Variants in DZIP1 observed in about 807,000 individuals in gnomAD.
The protein encoded by DZIP1 is cilium assembly protein DZIP1.
A neutral mutation model predicts 107.6 loss-of-function variants in DZIP1; 97 were observed. The ratio of observed to expected loss-of-function variants is 0.90; its 90% confidence interval spans 0.77 to 1.07. The LOEUF is 1.07. Ranked by LOEUF, DZIP1 falls within the 50% of genes least tolerant of loss-of-function variation. The pLI is 0.00. For missense variants in DZIP1, 1,035 were observed against 1,063.6 expected (o/e 0.97, Z 0.37); for synonymous variants, 390 against 386.4 (o/e 1.01, Z -0.11).
intron 6 of DZIP1, among the ~76,000 whole-genome samples, chr13:95,630,381 A>G (rs1291944839): frequency 2.6e-5 from 4 of 152,084 alleles, no homozygotes; most frequent in Non-Finnish European, 5.9e-5. Flanking sequence ...AGCCCTCTTC[A>G]GGGAGCAATA....
At chr13:95,589,669 G>T in intron 18 of DZIP1, 134 bp downstream of exon 18, 1 of 1,205,384 alleles carries the variant, frequency 8.3e-7, no homozygotes, top group Non-Finnish European at 1.2e-6. Context: ...CTGGCATCCT[G>T]ATCTTGGACT....
rs747243667 is a variant in DZIP1, at chr13:95,622,346, A to C, written c.1107T>G (p.Ser369Arg). ...GCTGTCACCCACTTGCACGTACCTG[A>C]CTATCAAGAAGCTGCATGACATTAT... is the stretch of plus-strand genomic sequence containing the variant. The part of the protein sequence containing the change: ...DFHNVMQLLD[S>R]QESKWTARVQ... The change falls in exon 9 of 23, where the codon AGT becomes AGG. Residue 369 changes from serine (S) to arginine (R), a missense_variant. By Grantham distance (110) the Ser-to-Arg change is moderately radical (BLOSUM62 -1). Coordinates refer to ENST00000376829, the MANE Select transcript of DZIP1 (RefSeq NM_198968.4). 6.2e-7 allele frequency: 1 copy of C among 1,614,090 alleles called. No homozygotes were observed. The highest frequency in any genetic ancestry group is 1.3e-5 in the African/African-American group (1 of 74,942).
rs1461301046 is a variant in DZIP1, at chr13:95,580,772, C to T, written c.*1462G>A. The T allele has an allele frequency of 6.6e-6, 1 of 152,240 alleles. No homozygotes were observed. The highest frequency in any genetic ancestry group is 1.9e-4 in the East Asian group (1 of 5,198). The allele number at this position is 152,240 out of a possible 1,614,324, so 9.4% of individuals were successfully genotyped here. On this transcript the variant is annotated 3_prime_UTR_variant, in exon 23 of 23. Transcript: ENST00000376829. ...GTGTAGTTTTGTAGATTGCCGTTCT[C>T]TGTCCTACCACATGAAACTTGGATT...
At chr13:95,635,735 G>A (rs1348216908) in intron 5 of DZIP1, among the ~76,000 whole-genome samples, 3 of 152,170 alleles carry the variant, frequency 2.0e-5, no homozygotes, top group Non-Finnish European at 4.4e-5. Flanking sequence ...GCCAGAAGGT[G>A]TTCTAACGAT....
chr13:95,607,837 C>G (rs1233017059), intron 13 of DZIP1, among the ~76,000 whole-genome samples: 1 of 152,202 alleles, frequency 6.6e-6, no homozygotes, highest in Non-Finnish European at 1.5e-5. Context: ...CAGTAAATGA[C>G]TGACTAGTGT....
At position 95,587,551 on chromosome 13, in the gene DZIP1, G is replaced by A. The variant is rs11070136; in HGVS notation, c.2206C>T (p.Pro736Ser). Residue 736 changes from proline (P) to serine (S), a missense_variant, in exon 20 of 23, where the codon CCC (proline) becomes TCC (serine). Pro to Ser is a moderately conservative substitution (Grantham distance 74). Transcript: ENST00000376829. ...GSEIEDTDDSPKPAGVAVKTP... is the reference protein window; with the variant it reads ...GSEIEDTDDSSKPAGVAVKTP... ...GGTAACAGCTCACCTGCGGGCTTGG[G>A]AGAATCATCAGTGTCCTCGATTTCG... 522,013 of 1,613,556 alleles carry A rather than the reference G, an allele frequency of 0.32. 86,487 individuals carry two copies. The highest frequency in any genetic ancestry group is 0.34 in the Non-Finnish European group (401,179 of 1,179,772).
intron 14 of DZIP1, 97 bp from the exon 15 acceptor site, chr13:95,599,521 A>G (rs2044552824): frequency 5.5e-6 from 6 of 1,092,924 alleles, no homozygotes; most frequent in Non-Finnish European, 8.3e-6. Flanking sequence ...ATTCCATGGT[A>G]TTTTAGTCAT....
chr13:95,590,036 A>G, intron 17 of DZIP1, 104 bp from the exon 18 acceptor site: 2 of 1,406,014 alleles, frequency 1.4e-6, no homozygotes, highest in African/African-American at 1.4e-5. Flanking sequence ...GGCAATGAAC[A>G]ATCCCATCTC....
In DZIP1 at chr13:95,589,136, A is replaced by T; in HGVS notation, c.2027+18T>A. On this transcript the variant is annotated intron_variant, in intron 19 of 22. Coordinates refer to ENST00000376829, the MANE Select transcript of DZIP1 (RefSeq NM_198968.4). ...AAATAATTTTTTAAATGACCCTCCCATCCCTGTCAATACTCACGTAATAGT... is the reference window on the plus strand; with the variant it reads ...AAATAATTTTTTAAATGACCCTCCCTTCCCTGTCAATACTCACGTAATAGT... 6.3e-7 allele frequency: 1 copy of T among 1,599,064 alleles called. No homozygotes were observed. The highest frequency in any genetic ancestry group is 8.5e-7 in the Non-Finnish European group (1 of 1,171,942).
intron 20 of DZIP1, among the ~76,000 whole-genome samples, chr13:95,587,317 GC>G (rs1419884708): frequency 6.6e-6 from 1 of 152,130 alleles, no homozygotes; most frequent in Non-Finnish European, 1.5e-5. Context: ...TACTGTTATA[GC>G]AGCCCTAGCA....
intron 15 of DZIP1, among the ~76,000 whole-genome samples, chr13:95,595,462 T>C (rs557834937): frequency 6.6e-6 from 1 of 152,230 alleles, no homozygotes; most frequent in African/African-American, 2.4e-5. Flanking sequence ...TATAATTATA[T>C]ATTAAAAGTC....
chr13:95,622,387 A>G lies in DZIP1; in HGVS notation c.1066T>C (p.Tyr356His), dbSNP rs1875976619. ...ATGACATTATGGAAATCCTGGGGAT[A>G]TGGAGAACGGTCTTCTTTAAACTCG... ...AHEFKEDRSP[Y>H]PQDFHNVMQL... is the part of the protein sequence containing the mutation. The change falls in exon 9 of 23, where the codon TAT (tyrosine) becomes CAT (histidine). Residue 356 changes from tyrosine to histidine, a missense_variant. Physicochemically the swap from Tyr to His is moderately conservative, Grantham distance 83 (BLOSUM62 2). Coordinates refer to ENST00000376829, the MANE Select transcript of DZIP1 (RefSeq NM_198968.4). 6.2e-7 allele frequency: 1 copy of G among 1,614,098 alleles called. No individual in the cohort carries two copies. Among genetic ancestry groups the G allele is most frequent in the African/African-American group, 1.3e-5 (1 of 74,952 alleles).
chr13:95,609,006 G>C (rs995646063), intron 13 of DZIP1, among the ~76,000 whole-genome samples: 1 of 152,194 alleles, frequency 6.6e-6, no homozygotes, highest in Admixed American at 6.5e-5. Context: ...TTTTACTGCA[G>C]AATCTTGACA....
rs1878427147 is a variant in DZIP1, at chr13:95,641,009, G to A, written c.597+286C>T. On this transcript the variant is annotated intron_variant, in intron 5 of 22. Transcript: ENST00000376829. This position sits in a 1 kb window ranked among gnomAD's most constrained non-coding sequence, Gnocchi z 4.3. The stretch of plus-strand genomic sequence containing the variant: ...TTTGTATATGGTTTTTTCATGTTGA[G>A]GTTGATTCGGAGGAGGAAAGTGTTT... Among the ~76,000 whole-genome samples the A allele has an allele frequency of 6.6e-6, 1 of 152,150 alleles. No individual in the cohort carries two copies. Among genetic ancestry groups the A allele is most frequent in the Admixed American group, 6.5e-5 (1 of 15,278 alleles).
chr13:95,631,194 G>A (rs551530408), intron 6 of DZIP1, among the ~76,000 whole-genome samples: 6 of 152,198 alleles, frequency 3.9e-5, no homozygotes, highest in South Asian at 4.2e-4. Context: ...AGTGGCTCAC[G>A]CCTGTATTCC....
intron 5 of DZIP1, among the ~76,000 whole-genome samples, chr13:95,637,474 C>T (rs1227258191): frequency 6.6e-6 from 1 of 152,100 alleles, no homozygotes; most frequent in Non-Finnish European, 1.5e-5. Flanking sequence ...CACAGTGGCT[C>T]ACACCTGTAG....
rs2138699998 is a variant in DZIP1, at chr13:95,578,593, C to CAG, written c.*3639_*3640dup. ...TGGTAGAACTTAACTTCTACAGGAT[C>CAG]AGAGAGGATCTTGCTCATTCATGGC... On this transcript the variant is annotated 3_prime_UTR_variant, in exon 23 of 23. Transcript: ENST00000376829. The CAG allele has an allele frequency of 6.6e-6, 1 of 152,296 alleles. No individual in the cohort carries two copies. The highest frequency in any genetic ancestry group is 2.1e-4 in the South Asian group (1 of 4,824). The allele number at this position is 152,296 out of a possible 1,614,324, so 9.4% of individuals were successfully genotyped here.
In DZIP1 at chr13:95,581,356, C is replaced by T. The variant is rs1280436666; in HGVS notation, c.*878G>A. On this transcript the variant is annotated 3_prime_UTR_variant, in exon 23 of 23. Coordinates refer to ENST00000376829, the MANE Select transcript of DZIP1 (RefSeq NM_198968.4). ...ATTTTAAATAGTAAAAAAAAACATA[C>T]ATATGTGAATTCAGTAATGGCTCAA... 6.6e-6 allele frequency: 1 copy of T among 152,452 alleles called. No individual in the cohort carries two copies. The highest frequency in any genetic ancestry group is 1.5e-5 in the Non-Finnish European group (1 of 68,004). 9.4% of individuals were successfully genotyped at this position (152,452 alleles called of 1,614,324 possible).
chr13:95,587,719 A>G lies in DZIP1; in HGVS notation c.2038T>C (p.Phe680Leu). 1.2e-6 allele frequency: 2 copies of G among 1,613,614 alleles called. No homozygotes were observed. The highest frequency in any genetic ancestry group is 1.3e-5 in the African/African-American group (1 of 74,936). ...TCCTCCTGCTCCTCCTCTGAACTAA[A>G]AGGAGGGGTCCTACACAAATCAACA... is the stretch of plus-strand genomic sequence containing the variant. Reference protein sequence around the residue: ...RKSSTITTPPFSSEEEQEDDD... With the variant: ...RKSSTITTPPLSSEEEQEDDD... Residue 680 changes from phenylalanine (F) to leucine (L), a missense_variant, in exon 20 of 23, where the codon TTT becomes CTT. By Grantham distance (22) the Phe-to-Leu change is conservative. Coordinates refer to ENST00000376829, the MANE Select transcript of DZIP1 (RefSeq NM_198968.4).
Sources: allele counts gnomAD v4.1 joint callset (sites outside exome capture counted in the v4.1 genomes callset), GRCh38; gene constraint gnomAD v4.1.1; non-coding constraint Gnocchi (gnomAD v3.1); transcripts MANE v1.5; gene names NCBI Gene and HGNC (gene_info 2026-07-23, HGNC 2026-07-21).